TNIK: variants seen among roughly 807,000 people sequenced by gnomAD.
TNIK encodes TRAF2 and NCK-interacting protein kinase.
TNIK carries 49 observed loss-of-function variants against 191.3 expected under a neutral mutation model. The ratio of observed to expected loss-of-function variants is 0.26; its 90% CI spans 0.20 to 0.32. The LOEUF (loss-of-function observed/expected upper bound fraction) is 0.32. TNIK is among the 10% of genes least tolerant of loss of function. The pLI, the probability that TNIK is intolerant of heterozygous loss-of-function variation, is 1.00. For missense variants in TNIK, 1,155 were observed against 1,702.3 expected, an observed-to-expected ratio of 0.68 and a Z score of 5.66; for synonymous variants, 594 against 600.9, an observed-to-expected ratio of 0.99 and a Z score of 0.17.
chr3:171,347,422 A>ACAC (rs1416554886), intron 2 of TNIK, among the ~76,000 whole-genome samples: 10 of 121,882 alleles, frequency 8.2e-5, no homozygotes, highest in Non-Finnish European at 5.5e-5. Context: ...CACACACACA[A>ACAC]GTAAAGAGAA....
intron 2 of TNIK, among the ~76,000 whole-genome samples, chr3:171,304,738 T>A (rs1428625468): frequency 1.3e-5 from 2 of 152,094 alleles, no homozygotes; most frequent in African/African-American, 4.8e-5. Context: ...GAAACCATCA[T>A]TCTCAGCAAA....
chr3:171,422,593 C>T (rs1173519936), intron 1 of TNIK, among the ~76,000 whole-genome samples: 1 of 152,108 alleles, frequency 6.6e-6, no homozygotes, highest in East Asian at 1.9e-4. Context: ...AATAAACTTA[C>T]TTTTGGAAAT....
In TNIK at chr3:171,371,496, C is replaced by A. The variant is rs1716483462; in HGVS notation, c.58-1811G>T. 2.0e-5 allele frequency among the ~76,000 whole-genome samples: 3 copies of A among 152,212 alleles called. No individual in the cohort carries two copies. The South Asian group carries it at 6.2e-4, about 32-fold the overall frequency. The stretch of plus-strand genomic sequence containing the variant: ...CTTACAAAGCCAGAAGGGCAAGAAA[C>A]CACACTCCATGCTCATGTCCTGAAA... On this transcript the variant is annotated intron_variant, in intron 1 of 32. Transcript: ENST00000436636.
At chr3:171,227,080 C>T (rs1001623200) in intron 3 of TNIK, among the ~76,000 whole-genome samples, 2 of 152,134 alleles carry the variant, frequency 1.3e-5, no homozygotes, top group African/African-American at 4.8e-5. Flanking sequence ...AGCAGACAGA[C>T]ATCTTAGAAA....
At chr3:171,396,962 A>G (rs6778439) in intron 1 of TNIK, among the ~76,000 whole-genome samples, 67,335 of 152,004 alleles carry the variant, frequency 0.44, 15,504 homozygotes, top group Non-Finnish European at 0.5. Context: ...CAATTTTTTC[A>G]GACCAATGAC....
intron 12 of TNIK, among the ~76,000 whole-genome samples, chr3:171,157,180 T>A (rs776569777): frequency 6.6e-5 from 10 of 152,158 alleles, no homozygotes; most frequent in Non-Finnish European, 1.3e-4. Context: ...GGACTGTGAC[T>A]TTAAGTAAAG....
rs547155022 is a variant in TNIK, at chr3:171,245,574, A to T, written c.124-17353T>A. Among the ~76,000 whole-genome samples the T allele has an allele frequency of 3.9e-5, 6 of 152,222 alleles. No homozygotes were observed. In the South Asian group the frequency reaches 1.2e-3, roughly 32 times the overall value. ...TTAAGATACTTTAACAATAAAAAAAAAAAAAAATAGATCCTCAAGATTTTG... is the reference window on the plus strand; with the variant it reads ...TTAAGATACTTTAACAATAAAAAAATAAAAAAATAGATCCTCAAGATTTTG... On this transcript the variant is annotated intron_variant, in intron 2 of 32. Transcript: ENST00000436636.
chr3:171,337,739 G>C (rs1200811669), intron 2 of TNIK, among the ~76,000 whole-genome samples: 4 of 152,212 alleles, frequency 2.6e-5, no homozygotes, highest in Non-Finnish European at 5.9e-5. Context: ...CTGCTTAAAT[G>C]AAGTGCCTGG....
In TNIK at chr3:171,063,091, A is replaced by G. The variant is rs1039591687; in HGVS notation, c.*790T>C. On this transcript the variant is annotated 3_prime_UTR_variant, in exon 33 of 33. Transcript: ENST00000436636. Reference sequence around the variant, plus strand: ...GTCCCTCCATCGCTAGGCCAGCTCAACTCAATGGCGTTAGTATCCTGTTCA... The same window carrying G: ...GTCCCTCCATCGCTAGGCCAGCTCAGCTCAATGGCGTTAGTATCCTGTTCA... 1.2e-4 allele frequency: 19 copies of G among 152,164 alleles called. No homozygotes were observed. The highest frequency in any genetic ancestry group is 4.1e-4 in the African/African-American group (17 of 41,416). The allele number at this position is 152,164 out of a possible 1,614,324, so 9.4% of individuals were successfully genotyped here.
chr3:171,236,943 A>C (rs1444922560), intron 2 of TNIK, among the ~76,000 whole-genome samples: 7 of 152,140 alleles, frequency 4.6e-5, no homozygotes, highest in Non-Finnish European at 8.8e-5. Flanking sequence ...GGTTGGGGGA[A>C]ATAGATGATA....
chr3:171,334,076 T>G (rs1231322042), intron 2 of TNIK, among the ~76,000 whole-genome samples: 2 of 151,736 alleles, frequency 1.3e-5, no homozygotes, highest in Non-Finnish European at 2.9e-5. Context: ...GACTGAGGGG[T>G]GGGAAGTGTC....
chr3:171,090,717 C>T (rs1182258180), intron 23 of TNIK, among the ~76,000 whole-genome samples: 2 of 152,160 alleles, frequency 1.3e-5, no homozygotes, highest in Non-Finnish European at 2.9e-5. Context: ...TGGCAGCTCA[C>T]AGCTGGTGTG....
At chr3:171,389,468 C>A (rs1171103390) in intron 1 of TNIK, among the ~76,000 whole-genome samples, 1 of 152,128 alleles carries the variant, frequency 6.6e-6, no homozygotes, top group Non-Finnish European at 1.5e-5. Flanking sequence ...AAAGTCAAGA[C>A]CCCAGTCTCA....
intron 1 of TNIK, among the ~76,000 whole-genome samples, chr3:171,422,535 C>T (rs1723957030): frequency 6.6e-6 from 1 of 152,088 alleles, no homozygotes; most frequent in East Asian, 1.9e-4. Flanking sequence ...CTCAAAATGC[C>T]TTTTTTGTTT....
At chr3:171,174,984 A>T (rs1301892505) in intron 9 of TNIK, among the ~76,000 whole-genome samples, 1 of 152,190 alleles carries the variant, frequency 6.6e-6, no homozygotes, top group East Asian at 1.9e-4. Flanking sequence ...TAGATCAAAG[A>T]GCTTTCATGT....
At chr3:171,459,605 G>C (rs1560100814) in intron 1 of TNIK, among the ~76,000 whole-genome samples, 1 of 150,738 alleles carries the variant, frequency 6.6e-6, no homozygotes, top group East Asian at 2.0e-4. Context: ...CTTTATTCAC[G>C]CTGGCATTCT....
At chr3:171,064,375 C>T (rs1438680343) in intron 32 of TNIK, among the ~76,000 whole-genome samples, 1 of 152,172 alleles carries the variant, frequency 6.6e-6, no homozygotes, top group African/African-American at 2.4e-5. Context: ...AAGTAGACTT[C>T]AGGATGGAAG....
At chr3:171,321,853 C>A (rs1307720229) in intron 2 of TNIK, among the ~76,000 whole-genome samples, 4 of 152,188 alleles carry the variant, frequency 2.6e-5, no homozygotes, top group Non-Finnish European at 5.9e-5. Flanking sequence ...TTACCTGTTT[C>A]ACTCCCAAAC....
intron 2 of TNIK, among the ~76,000 whole-genome samples, chr3:171,323,261 CATGTTGACACTCAGTG>C (rs1376300652): frequency 1.3e-5 from 2 of 152,046 alleles, no homozygotes; most frequent in Non-Finnish European, 2.9e-5. Context: ...CTTCATATTC[CATGTTGACACTCAGTG>C]GGTAAAGATG....
Sources: gnomAD v4.1 joint callset for allele counts (sites outside exome capture counted in the v4.1 genomes callset) on GRCh38, gnomAD v4.1.1 for gene constraint, MANE v1.5 for transcripts, NCBI Gene and HGNC (gene_info 2026-07-23, HGNC 2026-07-21) for gene names.